The following FIP1L1 variants were observed in gnomAD, a reference collection of about 807,000 sequenced individuals.
The protein encoded by FIP1L1 is factor interacting with PAPOLA and CPSF1, also known as pre-mRNA 3'-end-processing factor FIP1.
FIP1L1 carries 21 observed loss-of-function variants against 84.6 expected under a neutral mutation model. The observed-to-expected ratio is 0.25, with a 90% CI of 0.18 to 0.36. The LOEUF is 0.36. Ranked by LOEUF, FIP1L1 falls within the 10% of genes least tolerant of loss-of-function variation. The pLI is 1.00. For missense variants in FIP1L1, 526 were observed against 751.1 expected (o/e 0.70, Z 3.50); for synonymous variants, 263 against 242.3 (o/e 1.09, Z -0.80).
Position 53,383,889 on chromosome 4 carries a change from T to A in FIP1L1, c.332+13T>A, listed in dbSNP as rs1304924099. On this transcript the variant is annotated intron_variant, in intron 5 of 17. Coordinates refer to ENST00000337488, the MANE Select transcript of FIP1L1 (RefSeq NM_030917.4). ...CACCACAGTATGGGTAAGTTATTTT[T>A]TAGTAAGTAACAATTGTGTAAATGC... 1 of 1,607,828 alleles carries A rather than the reference T, an allele frequency of 6.2e-7. No individual in the cohort carries two copies. Among genetic ancestry groups the A allele is most frequent in the East Asian group, 2.2e-5 (1 of 44,790 alleles).
At chr4:53,420,031 C>T (rs1761526641) in intron 11 of FIP1L1, among the ~76,000 whole-genome samples, 1 of 151,560 alleles carries the variant, frequency 6.6e-6, no homozygotes, top group African/African-American at 2.4e-5. Context: ...CCCGTCTCTA[C>T]TAAAAATACA....
chr4:53,418,163 C>T (rs1376804305), intron 11 of FIP1L1, among the ~76,000 whole-genome samples: 1 of 152,064 alleles, frequency 6.6e-6, no homozygotes, highest in African/African-American at 2.4e-5. Context: ...GTTGTGTGCA[C>T]CTGTGGCCCC....
chr4:53,388,875 A>G (rs1478964931), intron 5 of FIP1L1, among the ~76,000 whole-genome samples: 2 of 152,260 alleles, frequency 1.3e-5, no homozygotes, highest in African/African-American at 4.8e-5. Context: ...ATAATTGTAT[A>G]CAAGTCTTAG....
chr4:53,425,757 TG>T, intron 11 of FIP1L1, 114 bp from the exon 12 acceptor site: 1 of 703,354 alleles, frequency 1.4e-6, no homozygotes, highest in Non-Finnish European at 2.4e-6. Flanking sequence ...TATTGTGATC[TG>T]GTTTTATTTT....
intron 11 of FIP1L1, among the ~76,000 whole-genome samples, chr4:53,421,518 A>G (rs1032429823): frequency 6.6e-6 from 1 of 152,210 alleles, no homozygotes; most frequent in African/African-American, 2.4e-5. Flanking sequence ...CACAATTTCC[A>G]TGCAGAACTG....
Position 53,383,753 on chromosome 4 carries a change from ATTTG to A in FIP1L1, c.229-16_229-13del, listed in dbSNP as rs775552354. 11 of 1,583,794 alleles carry A rather than the reference ATTTG, an allele frequency of 6.9e-6. No individual in the cohort carries two copies. The South Asian group carries it at 1.0e-4, about 15-fold the overall frequency. The stretch of plus-strand genomic sequence containing the variant: ...AATGGATTACTGAATGTATTTTATA[ATTTG>A]TTTATGTTCATGTAGAAAGTGACTG... On this transcript the variant is annotated splice_polypyrimidine_tract_variant and intron_variant, in intron 4 of 17. Transcript: ENST00000337488.
intron 11 of FIP1L1, among the ~76,000 whole-genome samples, chr4:53,424,891 A>T (rs1213916119): frequency 6.6e-6 from 1 of 152,110 alleles, no homozygotes. Context: ...GCTTGTCTCT[A>T]ACAAGTATAC....
At chr4:53,430,902 C>G (rs1766357290) in intron 13 of FIP1L1, among the ~76,000 whole-genome samples, 1 of 152,142 alleles carries the variant, frequency 6.6e-6, no homozygotes, top group African/African-American at 2.4e-5. Context: ...TTAAGCAGTA[C>G]CTAACTGGTA....
intron 13 of FIP1L1, chr4:53,440,777 A>G: frequency 1.7e-6 from 1 of 596,414 alleles, no homozygotes; most frequent in Non-Finnish European, 3.0e-6. Context: ...TGATTAAGAT[A>G]TTTAGTTTTC....
intron 10 of FIP1L1, among the ~76,000 whole-genome samples, chr4:53,412,065 T>G (rs931860501): frequency 1.3e-5 from 2 of 152,138 alleles, no homozygotes; most frequent in Non-Finnish European, 2.9e-5. Context: ...GAAAAAAATT[T>G]AAACTTACAA....
chr4:53,426,111 T>C (rs1764235472), intron 12 of FIP1L1, 146 bp downstream of exon 12: 1 of 476,394 alleles, frequency 2.1e-6, no homozygotes, highest in Admixed American at 3.9e-5. Context: ...TCATTTATTA[T>C]AAAGGCATTT....
intron 10 of FIP1L1, among the ~76,000 whole-genome samples, chr4:53,405,834 C>G (rs1332765111): frequency 6.6e-6 from 1 of 150,974 alleles, no homozygotes; most frequent in African/African-American, 2.4e-5. Flanking sequence ...TATAAGAATG[C>G]TTGTGATTTT....
intron 13 of FIP1L1, among the ~76,000 whole-genome samples, chr4:53,432,337 G>T (rs1214221754): frequency 1.2e-4 from 17 of 142,264 alleles, no homozygotes; most frequent in Admixed American, 1.2e-3. Flanking sequence ...GACAGAGGTT[G>T]CAGTGAGCCG....
rs116395043 is a variant in FIP1L1 at position 53,397,757 on chromosome 4, T to C, written c.706-1973T>C. 8.8e-3 allele frequency among the ~76,000 whole-genome samples: 1,337 copies of C among 152,296 alleles called. 21 individuals carry two copies. Among genetic ancestry groups the C allele is most frequent in the African/African-American group, 0.03 (1,260 of 41,550 alleles). Reference sequence around the variant, plus strand: ...TGGCATATATTGTAAAGTTGACATATTGGGTGTTCATATGTATTAGATAAT... The same window carrying C: ...TGGCATATATTGTAAAGTTGACATACTGGGTGTTCATATGTATTAGATAAT... On this transcript the variant is annotated intron_variant, in intron 9 of 17. Transcript: ENST00000337488.
At chr4:53,406,988 G>C (rs1753916930) in intron 10 of FIP1L1, among the ~76,000 whole-genome samples, 1 of 152,192 alleles carries the variant, frequency 6.6e-6, no homozygotes, top group Admixed American at 6.5e-5. Flanking sequence ...TTTTTGAAGG[G>C]TTTTTTGTGT....
At chr4:53,417,780 CTCTCTCTCT>C in intron 11 of FIP1L1, among the ~76,000 whole-genome samples, 1 of 33,632 alleles carries the variant, frequency 3.0e-5, no homozygotes, top group Non-Finnish European at 6.5e-5. Flanking sequence ...CTCTCTCTCT[CTCTCTCTCT>C]CTCTCTCTCT....
intron 11 of FIP1L1, among the ~76,000 whole-genome samples, chr4:53,414,973 A>AT (rs543244226): frequency 0.027 from 4,050 of 150,258 alleles, 88 homozygotes; most frequent in Non-Finnish European, 0.037. Context: ...ATGCTCAGTA[A>AT]TTTTTTTTTT....
At chr4:53,393,803 A>C (rs1745782410) in intron 9 of FIP1L1, among the ~76,000 whole-genome samples, 1 of 111,480 alleles carries the variant, frequency 9.0e-6, no homozygotes, top group Admixed American at 1.4e-4. Flanking sequence ...TGAATGTATG[A>C]GCTTTGTCAC....
intron 11 of FIP1L1, among the ~76,000 whole-genome samples, chr4:53,425,145 A>G (rs1232795582): frequency 6.6e-6 from 1 of 152,258 alleles, no homozygotes; most frequent in South Asian, 2.1e-4. Context: ...TGACTTCTAT[A>G]TCATCTTAGG....
Sources: allele counts gnomAD v4.1 joint callset (sites outside exome capture counted in the v4.1 genomes callset), GRCh38; gene constraint gnomAD v4.1.1; transcripts MANE v1.5; gene names NCBI Gene and HGNC (gene_info 2026-07-23, HGNC 2026-07-21).